DHRS11: variants seen among roughly 807,000 people sequenced by gnomAD.
DHRS11 encodes the protein dehydrogenase/reductase SDR family member 11.
Under a neutral mutation model 30.7 loss-of-function variants are expected in DHRS11, and 18 were observed. That is an observed-to-expected ratio of 0.59 (90% CI 0.41 to 0.87). DHRS11 has a LOEUF of 0.87. Among genes scored for constraint, DHRS11 ranks in the 40% least tolerant of loss-of-function variants. The pLI is 0.00. For synonymous variants in DHRS11, 123 were observed against 139.6 expected (o/e 0.88, Z 0.84); for missense variants, 300 against 349.0 (o/e 0.86, Z 1.12).
Position 36,598,255 on chromosome 17 carries a change from T to C in DHRS11, c.450T>C (p.Asn150=). ...ACGATGGGCACATCATTAACATCAA[T>C]AGGTGAGGGCAGGTGGCCAATGGGT... ...NVDDGHIINI[N]SMSGHRVLPL... The change falls in exon 3 of 7, where the codon AAT becomes AAC. Residue 150 remains asparagine, a splice_region_variant and synonymous_variant. Transcript: ENST00000618403. 1 of 1,613,928 alleles carries C rather than the reference T, an allele frequency of 6.2e-7. No homozygotes were observed. The highest frequency in any genetic ancestry group is 8.5e-7 in the Non-Finnish European group (1 of 1,179,892).
rs2074770314 is a variant in DHRS11, at chr17:36,591,973, G to C, written c.-37G>C. The C allele has an allele frequency of 8.2e-7, 1 of 1,223,168 alleles. No homozygotes were observed. The highest frequency in any genetic ancestry group is 4.3e-5 in the Admixed American group (1 of 23,292). 75.8% of individuals were successfully genotyped at this position (1,223,168 alleles called of 1,614,324 possible). ...GCGTCAGCTCCTCGACCCCCGTGTCGGGCTAGTCCAGCGAGGCGGACGGGC... is the reference window on the plus strand; with the variant it reads ...GCGTCAGCTCCTCGACCCCCGTGTCCGGCTAGTCCAGCGAGGCGGACGGGC... On this transcript the variant is annotated 5_prime_UTR_variant, in exon 1 of 7. Coordinates refer to ENST00000618403, the MANE Select transcript of DHRS11 (RefSeq NM_024308.4).
intron 1 of DHRS11, 196 bp from the exon 2 acceptor site, chr17:36,594,775 G>A (rs930752949): frequency 8.2e-6 from 5 of 612,348 alleles, no homozygotes; most frequent in Non-Finnish European, 1.4e-5. Context: ...TCATCACTCG[G>A]GGAGCACTGT....
intron 4 of DHRS11, chr17:36,599,252 C>A (rs2074836349): frequency 1.2e-6 from 1 of 858,708 alleles, no homozygotes; most frequent in Non-Finnish European, 1.7e-6. Flanking sequence ...GAGCCAACGA[C>A]CAGACTTAGA....
At chr17:36,598,039 C>CG in intron 2 of DHRS11, 124 bp from the exon 3 acceptor site, 2 of 962,854 alleles carry the variant, frequency 2.1e-6, no homozygotes, top group Non-Finnish European at 3.3e-6. Context: ...GGCTGGTCTC[C>CG]GGGGGGACCT....
In DHRS11 at chr17:36,596,983, C is replaced by A. The variant is rs138926752; in HGVS notation, c.358-1180C>A. 1.8e-5 allele frequency: 8 copies of A among 437,658 alleles called. No individual in the cohort carries two copies. The East Asian group carries it at 3.5e-4, about 19-fold the overall frequency. 27.1% of individuals were successfully genotyped at this position (437,658 alleles called of 1,614,324 possible). A position where few individuals can be genotyped will look rare whatever the true frequency, so the allele number is the denominator to read the frequency against. The stretch of plus-strand genomic sequence containing the variant: ...GCCCATCTGTAAAATGAGGGACTTA[C>A]ATTAAATTCCTACAGCTCCTTTCAG... On this transcript the variant is annotated intron_variant, in intron 2 of 6. Transcript: ENST00000618403.
chr17:36,598,692 G>C (rs1248352112), intron 3 of DHRS11: 1 of 559,818 alleles, frequency 1.8e-6, no homozygotes, highest in Non-Finnish European at 3.2e-6. Flanking sequence ...CACCAGGAGA[G>C]TGCATTCTGT....
chr17:36,598,825 G>A, intron 3 of DHRS11, 96 bp from the exon 4 acceptor site: 1 of 1,480,932 alleles, frequency 6.8e-7, no homozygotes, highest in South Asian at 1.3e-5. Flanking sequence ...TTCCCGATGG[G>A]CATCTGGGTG....
chr17:36,599,140 T>G, intron 4 of DHRS11, 90 bp downstream of exon 4: 1 of 1,506,384 alleles, frequency 6.6e-7, no homozygotes, highest in Non-Finnish European at 8.9e-7. Context: ...GTTCAGAATG[T>G]GCCGCTCAGA....
chr17:36,592,620 CT>C lies in DHRS11; in HGVS notation c.147+465del. 6.6e-6 allele frequency among the ~76,000 whole-genome samples: 1 copy of C among 152,190 alleles called. No individual in the cohort carries two copies. ...CCCCGCCCCCTCACCTCGGGGGTAA[CT>C]CATGCCCAGTGGCATGAGGAATGAA... is the stretch of plus-strand genomic sequence containing the variant. On this transcript the variant is annotated intron_variant, in intron 1 of 6. Coordinates refer to ENST00000618403, the MANE Select transcript of DHRS11 (RefSeq NM_024308.4). The surrounding 1 kb of genome is among the most constrained non-coding windows in gnomAD (Gnocchi z 4.4).
chr17:36,600,109 T>A (rs376427026), intron 6 of DHRS11, 53 bp from the exon 7 acceptor site: 200 of 1,614,034 alleles, frequency 1.2e-4, no homozygotes, highest in Admixed American at 9.2e-4. Context: ...CAGGGAGCCC[T>A]GCAGGGCCAG....
intron 2 of DHRS11, chr17:36,596,557 T>G: frequency 8.6e-6 from 2 of 231,942 alleles, no homozygotes; most frequent in South Asian, 5.5e-5. Flanking sequence ...GGGCAAGTAT[T>G]TTATCTGTTT....
intron 1 of DHRS11, among the ~76,000 whole-genome samples, chr17:36,593,168 T>C (rs1005552): frequency 0.38 from 58,482 of 151,996 alleles, 11,650 homozygotes; most frequent in Middle Eastern, 0.47. Flanking sequence ...AACTGGATTC[T>C]GTAATTCTGA....
intron 2 of DHRS11, among the ~76,000 whole-genome samples, chr17:36,596,137 GC>G (rs1313937357): frequency 1.3e-5 from 2 of 151,256 alleles, no homozygotes; most frequent in African/African-American, 4.8e-5. Flanking sequence ...GGTGGTGTGG[GC>G]CCAGTGTGGC....
chr17:36,598,555 TAC>T lies in DHRS11; in HGVS notation c.452+300_452+301del, dbSNP rs2074829795. The T allele has an allele frequency of 5.7e-6, 3 of 523,582 alleles. No homozygotes were observed. In the Admixed American group the frequency reaches 1.0e-4, roughly 18 times the overall value. The allele number at this position is 523,582 out of a possible 1,614,324, so 32.4% of individuals were successfully genotyped here. ...ACCTCATGGCACAAAGAGTACTATG[TAC>T]AGTGTCTGCCACTGGGGAGCCCCAG... On this transcript the variant is annotated intron_variant, in intron 3 of 6. Transcript: ENST00000618403.
intron 3 of DHRS11, 122 bp from the exon 4 acceptor site, chr17:36,598,799 G>A: frequency 7.6e-7 from 1 of 1,310,714 alleles, no homozygotes; most frequent in East Asian, 2.4e-5. Flanking sequence ...GCCAGTAGAG[G>A]TCCCCTTTAG....
chr17:36,599,103 C>A, intron 4 of DHRS11, 53 bp downstream of exon 4: 1 of 1,579,036 alleles, frequency 6.3e-7, no homozygotes, highest in Non-Finnish European at 8.6e-7. Flanking sequence ...GCCCTCCCCA[C>A]CCACACACAC....
intron 3 of DHRS11, chr17:36,598,507 C>G (rs2074829441): frequency 1.8e-6 from 1 of 566,392 alleles, no homozygotes; most frequent in Non-Finnish European, 3.1e-6. Flanking sequence ...TGCCTCGATT[C>G]CTCAGGCCTG....
Position 36,595,167 on chromosome 17 carries a change from AG to A in DHRS11, c.346del (p.Asp116ThrfsTer5), listed in dbSNP as rs1428498673. The A allele has an allele frequency of 6.2e-7, 1 of 1,613,596 alleles. No homozygotes were observed. Among genetic ancestry groups the A allele is most frequent in the Non-Finnish European group, 8.5e-7 (1 of 1,180,024 alleles). ...CTCTCAGGCAGCACCAGTGGTTGGAAGGACATGTTCAATGTAAGAGCTCCAA... is the reference window on the plus strand; with the variant it reads ...CTCTCAGGCAGCACCAGTGGTTGGAAGACATGTTCAATGTAAGAGCTCCAA... ...TLLSGSTSGW[K>X]DMFNVNVLAL... On this transcript the variant is annotated frameshift_variant, in exon 2 of 7. Transcript: ENST00000618403. LOFTEE classifies it high-confidence loss of function.
rs1339635123 is a variant in DHRS11, at chr17:36,598,911, C to G, written c.453-10C>G. 6.2e-7 allele frequency: 1 copy of G among 1,609,554 alleles called. No homozygotes were observed. The highest frequency in any genetic ancestry group is 8.5e-7 in the Non-Finnish European group (1 of 1,177,878). On this transcript the variant is annotated splice_polypyrimidine_tract_variant and intron_variant, in intron 3 of 6. Transcript: ENST00000618403. ...ATTCTCTCCTCTTTCCCCTTCCTCT[C>G]CCCACCCAGCATGTCTGGCCACCGA...
Sources: allele counts gnomAD v4.1 joint callset (sites outside exome capture counted in the v4.1 genomes callset), GRCh38; gene constraint gnomAD v4.1.1; non-coding constraint Gnocchi (gnomAD v3.1); transcripts MANE v1.5; gene names NCBI Gene and HGNC (gene_info 2026-07-23, HGNC 2026-07-21).